FAM168A: variants seen among roughly 807,000 people sequenced by gnomAD.
The protein encoded by FAM168A is protein FAM168A.
In FAM168A, 3 loss-of-function variants were observed where a neutral mutation model predicts 28.5. The ratio of observed to expected loss-of-function variants is 0.11; its 90% CI spans 0.05 to 0.27. FAM168A has a LOEUF of 0.27. Among genes scored for constraint, FAM168A ranks in the 10% least tolerant of loss-of-function variants. The pLI is 1.00. For synonymous variants in FAM168A, 122 were observed against 124.2 expected, an observed-to-expected ratio of 0.98 and a Z score of 0.12; for missense variants, 222 against 311.5, an observed-to-expected ratio of 0.71 and a Z score of 2.16.
chr11:73,427,771 C>T (rs1176830197), intron 3 of FAM168A, among the ~76,000 whole-genome samples: 3 of 152,100 alleles, frequency 2.0e-5, no homozygotes, highest in Admixed American at 6.5e-5. Context: ...CAAACTGATC[C>T]GAAACAATCC....
At chr11:73,421,317 C>A (rs2134497744) in intron 3 of FAM168A, among the ~76,000 whole-genome samples, 1 of 152,280 alleles carries the variant, frequency 6.6e-6, no homozygotes, top group Admixed American at 6.5e-5. Flanking sequence ...AGTACTGGGG[C>A]CAGAGAAGGT....
At chr11:73,495,849 T>C (rs1024900150) in intron 1 of FAM168A, among the ~76,000 whole-genome samples, 3 of 152,214 alleles carry the variant, frequency 2.0e-5, no homozygotes, top group African/African-American at 4.8e-5. Context: ...GTAGCCACTA[T>C]GGAAAACAAT....
intron 1 of FAM168A, among the ~76,000 whole-genome samples, chr11:73,533,097 T>A (rs553443950): frequency 6.6e-6 from 1 of 152,228 alleles, no homozygotes; most frequent in Non-Finnish European, 1.5e-5. Flanking sequence ...CTGAGATTAG[T>A]CCCAGCTTAC....
intron 2 of FAM168A, among the ~76,000 whole-genome samples, chr11:73,459,275 T>C (rs1487595104): frequency 6.6e-6 from 1 of 151,784 alleles, no homozygotes; most frequent in African/African-American, 2.4e-5. Context: ...TTTGTAGAAA[T>C]GAGGTCTCAC....
intron 1 of FAM168A, chr11:73,580,235 G>A (rs1341471802): frequency 2.9e-5 from 15 of 525,124 alleles, no homozygotes; most frequent in African/African-American, 5.8e-5. Context: ...TCCCGCTGCC[G>A]TCACTGTCGC....
At chr11:73,493,753 C>G (rs988917581) in intron 1 of FAM168A, among the ~76,000 whole-genome samples, 1 of 152,070 alleles carries the variant, frequency 6.6e-6, no homozygotes, top group Non-Finnish European at 1.5e-5. Flanking sequence ...CATAACTTAT[C>G]CTGAAAACTG....
intron 1 of FAM168A, among the ~76,000 whole-genome samples, chr11:73,545,473 T>C (rs1342466441): frequency 1.3e-5 from 2 of 151,940 alleles, no homozygotes; most frequent in Non-Finnish European, 1.5e-5. Flanking sequence ...TGCTAAAGGG[T>C]ACAAGTTTCC....
chr11:73,478,445 T>C (rs933638529), intron 1 of FAM168A, among the ~76,000 whole-genome samples: 11 of 152,122 alleles, frequency 7.2e-5, no homozygotes, highest in African/African-American at 2.4e-4. Context: ...AGATTTTTGA[T>C]CATCTGGGAC....
rs144863498 is a variant in FAM168A at position 73,519,547 on chromosome 11, G to A, written c.-18-51055C>T. 2.0e-3 allele frequency among the ~76,000 whole-genome samples: 300 copies of A among 152,226 alleles called. 4 individuals are homozygous for A. The highest frequency in any genetic ancestry group is 6.6e-3 in the African/African-American group (274 of 41,538). On this transcript the variant is annotated intron_variant, in intron 1 of 7. Coordinates refer to ENST00000356467, the MANE Select transcript of FAM168A (RefSeq NM_015159.3). ...GCAAAAAGAGATTTGCTTGAGGATGGCAAGTCAAGAAAGGGCATTCCAAGG... is the reference window on the plus strand; with the variant it reads ...GCAAAAAGAGATTTGCTTGAGGATGACAAGTCAAGAAAGGGCATTCCAAGG...
chr11:73,550,985 C>A (rs1421414549), intron 1 of FAM168A, among the ~76,000 whole-genome samples: 1 of 152,004 alleles, frequency 6.6e-6, no homozygotes, highest in East Asian at 1.9e-4. Flanking sequence ...GTGATGGGCG[C>A]CTGTTGTCCC....
intron 4 of FAM168A, among the ~76,000 whole-genome samples, chr11:73,412,011 T>G (rs547335094): frequency 1.7e-4 from 26 of 152,176 alleles, no homozygotes; most frequent in African/African-American, 6.0e-4. Context: ...CTTTTTCTCC[T>G]TATCTCTCTC....
rs532549178 is a variant in FAM168A at position 73,439,043 on chromosome 11, T to C, written c.71-8273A>G. On this transcript the variant is annotated intron_variant, in intron 2 of 7. Coordinates refer to ENST00000356467, the MANE Select transcript of FAM168A (RefSeq NM_015159.3). ...CTCCAGAAAAATGCATGAATCTGAA[T>C]TTCTCTTACTAGCTGGGAGGCTTGA... is the stretch of plus-strand genomic sequence containing the variant. Among the ~76,000 whole-genome samples the C allele has an allele frequency of 5.6e-4, 85 of 151,020 alleles. No homozygotes were observed. In the South Asian group the frequency reaches 9.0e-3, roughly 16 times the overall value.
At chr11:73,471,107 C>T (rs1867807609) in intron 1 of FAM168A, among the ~76,000 whole-genome samples, 1 of 152,156 alleles carries the variant, frequency 6.6e-6, no homozygotes, top group Non-Finnish European at 1.5e-5. Context: ...TTCTAGGGAG[C>T]TGCTCAAGGG....
chr11:73,541,461 C>T (rs1943656223), intron 1 of FAM168A, among the ~76,000 whole-genome samples: 1 of 151,660 alleles, frequency 6.6e-6, no homozygotes, highest in Non-Finnish European at 1.5e-5. Flanking sequence ...CAAGCTCCTC[C>T]TCCCGGGTTC....
intron 4 of FAM168A, among the ~76,000 whole-genome samples, chr11:73,417,311 G>C (rs1249369031): frequency 6.6e-6 from 1 of 152,108 alleles, no homozygotes; most frequent in Non-Finnish European, 1.5e-5. Context: ...GAAAAATCAA[G>C]GTCCAATGCA....
At chr11:73,446,774 T>C (rs1017008235) in intron 2 of FAM168A, among the ~76,000 whole-genome samples, 2 of 152,244 alleles carry the variant, frequency 1.3e-5, no homozygotes, top group Non-Finnish European at 2.9e-5. Context: ...TTCAGGTCTC[T>C]TGACTGAAGT....
intron 1 of FAM168A, among the ~76,000 whole-genome samples, chr11:73,498,975 AT>A (rs1342800472): frequency 1.3e-5 from 2 of 152,132 alleles, no homozygotes; most frequent in Non-Finnish European, 2.9e-5. Flanking sequence ...ATGAGTGGGT[AT>A]CCCCCCAGCG....
At chr11:73,571,228 T>TCCCCC (rs1944082750) in intron 1 of FAM168A, among the ~76,000 whole-genome samples, 8 of 38,372 alleles carry the variant, frequency 2.1e-4, no homozygotes, top group Non-Finnish European at 3.0e-4. Context: ...CCTCTCCCCC[T>TCCCCC]CCCCCTCCCC....
intron 2 of FAM168A, among the ~76,000 whole-genome samples, chr11:73,435,845 T>G (rs1867078426): frequency 6.6e-6 from 1 of 152,236 alleles, no homozygotes; most frequent in Non-Finnish European, 1.5e-5. Flanking sequence ...GCATTTGCTT[T>G]TCATTTGAGC....
Sources: allele counts gnomAD v4.1 joint callset (sites outside exome capture counted in the v4.1 genomes callset), GRCh38; gene constraint gnomAD v4.1.1; transcripts MANE v1.5; gene names NCBI Gene and HGNC (gene_info 2026-07-23, HGNC 2026-07-21).